GRIN2B: variants seen among roughly 807,000 people sequenced by gnomAD.
The protein encoded by GRIN2B is glutamate ionotropic receptor NMDA type subunit 2B.
GRIN2B carries 5 observed loss-of-function variants against 114.5 expected under a neutral mutation model. The observed-to-expected ratio is 0.04, with a 90% CI of 0.02 to 0.09. The LOEUF is 0.09. Among genes scored for constraint, GRIN2B ranks in the 10% least tolerant of loss-of-function variants. The pLI is 1.00. For missense variants in GRIN2B, 1,108 were observed against 1,943.5 expected (o/e 0.57, Z 8.08); for synonymous variants, 787 against 745.1 (o/e 1.06, Z -0.92).
intron 3 of GRIN2B, among the ~76,000 whole-genome samples, chr12:13,791,969 C>A (rs867495019): frequency 3.9e-5 from 6 of 152,184 alleles, no homozygotes; most frequent in Admixed American, 6.5e-5. Context: ...TCTCCCCTAC[C>A]CTTCCCGGCC....
In GRIN2B at chr12:13,563,202, C is replaced by T. The variant is rs766060662; in HGVS notation, c.4036G>A (p.Glu1346Lys). The T allele has an allele frequency of 6.2e-7, 1 of 1,614,204 alleles. No individual in the cohort carries two copies. The highest frequency in any genetic ancestry group is 8.5e-7 in the Non-Finnish European group (1 of 1,180,040). Residue 1346 changes from glutamate to lysine, a missense_variant, in exon 14 of 14, where the codon GAG becomes AAG. Glu to Lys is a moderately conservative substitution (Grantham distance 56). Coordinates refer to ENST00000609686, the MANE Select transcript of GRIN2B (RefSeq NM_000834.5). Reference sequence around the variant, plus strand: ...GACTTGTTGTTGGCAAAGGTGCTCTCGCCAGCTGACATCTCAAACATGTGG... The same window carrying T: ...GACTTGTTGTTGGCAAAGGTGCTCTTGCCAGCTGACATCTCAAACATGTGG... ...YAHMFEMSAG[E>K]STFANNKSSV...
chr12:13,872,048 T>C (rs1865918868), intron 2 of GRIN2B, among the ~76,000 whole-genome samples: 2 of 152,082 alleles, frequency 1.3e-5, no homozygotes, highest in Admixed American at 1.3e-4. Flanking sequence ...GATGGTTTTA[T>C]AGATTAAGTA....
At chr12:13,629,233 G>A (rs1261706842) in intron 5 of GRIN2B, among the ~76,000 whole-genome samples, 1 of 152,212 alleles carries the variant, frequency 6.6e-6, no homozygotes, top group African/African-American at 2.4e-5. Flanking sequence ...TGGTAGATAA[G>A]AATATCTGTA....
chr12:13,546,330 A>G lies in GRIN2B; in HGVS notation c.*16453T>C, dbSNP rs1948341834. The G allele has an allele frequency of 6.6e-6, 1 of 152,236 alleles. No individual in the cohort carries two copies. Among genetic ancestry groups the G allele is most frequent in the Non-Finnish European group, 1.5e-5 (1 of 68,026 alleles). 9.4% of individuals were successfully genotyped at this position (152,236 alleles called of 1,614,324 possible). On this transcript the variant is annotated 3_prime_UTR_variant, in exon 14 of 14. Coordinates refer to ENST00000609686, the MANE Select transcript of GRIN2B (RefSeq NM_000834.5). ...AAGAATCGAGCTACAATGCTTATCAATGTCTGTCTGGAAGAAAGCCTACGT... is the reference window on the plus strand; with the variant it reads ...AAGAATCGAGCTACAATGCTTATCAGTGTCTGTCTGGAAGAAAGCCTACGT...
At position 13,583,411 on chromosome 12, in the gene GRIN2B, T is replaced by C. The variant is rs116086031; in HGVS notation, c.2011-11447A>G. Among the ~76,000 whole-genome samples the C allele has an allele frequency of 2.6e-3, 397 of 152,286 alleles. 3 individuals carry two copies. The highest frequency in any genetic ancestry group is 9.2e-3 in the African/African-American group (382 of 41,560). ...AACTAATGCACAGACAGTAAGTAAT[T>C]TGAATAAGGCCATACAGCTAGAAAC... On this transcript the variant is annotated intron_variant, in intron 10 of 13. Transcript: ENST00000609686.
At chr12:13,626,823 C>T (rs1443519751) in intron 5 of GRIN2B, among the ~76,000 whole-genome samples, 3 of 98,518 alleles carry the variant, frequency 3.0e-5, no homozygotes, top group Admixed American at 2.0e-4. Context: ...CCCCCCCACC[C>T]TCCCCCCTCC....
chr12:13,556,491 G>A lies in GRIN2B; in HGVS notation c.*6292C>T, dbSNP rs976946131. 2 of 152,066 alleles carry A rather than the reference G, an allele frequency of 1.3e-5. No individual in the cohort carries two copies. Among genetic ancestry groups the A allele is most frequent in the Non-Finnish European group, 2.9e-5 (2 of 68,006 alleles). 9.4% of individuals were successfully genotyped at this position (152,066 alleles called of 1,614,324 possible). A position where few individuals can be genotyped will look rare whatever the true frequency, so the allele number is the denominator to read the frequency against. ...TTAAACTCACATATTTAACCAGAGAGCTTTTATTTTTTTCTCCTGCATAGT... is the reference window on the plus strand; with the variant it reads ...TTAAACTCACATATTTAACCAGAGAACTTTTATTTTTTTCTCCTGCATAGT... On this transcript the variant is annotated 3_prime_UTR_variant, in exon 14 of 14. Transcript: ENST00000609686.
At chr12:13,904,573 A>G (rs1427970197) in intron 2 of GRIN2B, among the ~76,000 whole-genome samples, 1 of 151,830 alleles carries the variant, frequency 6.6e-6, no homozygotes, top group Non-Finnish European at 1.5e-5. Flanking sequence ...CTTGCTCTTC[A>G]CTCCATCTTG....
intron 5 of GRIN2B, among the ~76,000 whole-genome samples, chr12:13,632,592 T>C (rs541124962): frequency 6.6e-6 from 1 of 152,348 alleles, no homozygotes; most frequent in Non-Finnish European, 1.5e-5. Flanking sequence ...ACTCATCCTC[T>C]GCCTAAGCAG....
chr12:13,633,900 C>T (rs1043299830), intron 5 of GRIN2B, among the ~76,000 whole-genome samples: 23 of 148,750 alleles, frequency 1.5e-4, no homozygotes, highest in Admixed American at 1.5e-3. Flanking sequence ...TCAGCGCCTA[C>T]GACACAGCTG....
intron 10 of GRIN2B, among the ~76,000 whole-genome samples, chr12:13,583,292 C>T (rs561401035): frequency 1.3e-5 from 2 of 152,366 alleles, no homozygotes; most frequent in East Asian, 3.9e-4. Context: ...CTACAGCACT[C>T]ACCATGTGTC....
chr12:13,607,376 A>ATATTATATATAAGATATAT (rs1949286848), intron 10 of GRIN2B, among the ~76,000 whole-genome samples: 1 of 36,280 alleles, frequency 2.8e-5, no homozygotes, highest in African/African-American at 9.0e-5. Context: ...ATTATATATT[A>ATATTATATATAAGATATAT]TATATATAAT....
Position 13,842,984 on chromosome 12 carries a change from G to T in GRIN2B, c.411+22814C>A, listed in dbSNP as rs560501009. ...AAAACACTGCTTTTTAATTTTTTGC[G>T]GTGTTTTGTTTTTTTTTAATTTTTA... On this transcript the variant is annotated intron_variant, in intron 3 of 13. Coordinates refer to ENST00000609686, the MANE Select transcript of GRIN2B (RefSeq NM_000834.5). 1.3e-3 allele frequency among the ~76,000 whole-genome samples: 150 copies of T among 118,076 alleles called. 2 individuals carry two copies. In the South Asian group the frequency reaches 0.03, roughly 23 times the overall value. The allele number at this position is 118,076 out of a possible 152,430, so 77.5% of individuals were successfully genotyped here.
chr12:13,677,196 T>C (rs1422348849), intron 4 of GRIN2B, among the ~76,000 whole-genome samples: 1 of 152,190 alleles, frequency 6.6e-6, no homozygotes, highest in Admixed American at 6.5e-5. Context: ...TTAATGTTTC[T>C]TGTGAGACCA....
At chr12:13,970,665 C>A (rs1862894876) in intron 2 of GRIN2B, among the ~76,000 whole-genome samples, 1 of 148,238 alleles carries the variant, frequency 6.7e-6, no homozygotes, top group Non-Finnish European at 1.5e-5. Flanking sequence ...AAAGTGATTT[C>A]TCTTCTACAT....
chr12:13,579,342 G>A (rs1357284920), intron 10 of GRIN2B, among the ~76,000 whole-genome samples: 6 of 152,200 alleles, frequency 3.9e-5, no homozygotes, highest in Non-Finnish European at 7.3e-5. Context: ...CAGAGCTTCT[G>A]GAGTTAAGCT....
chr12:13,912,437 T>C (rs1866640418), intron 2 of GRIN2B, among the ~76,000 whole-genome samples: 2 of 152,224 alleles, frequency 1.3e-5, no homozygotes, highest in African/African-American at 4.8e-5. Flanking sequence ...AAGGAATTAA[T>C]ACTCCTATTG....
chr12:13,567,172 G>A lies in GRIN2B; in HGVS notation c.2451C>T (p.Asn817=), dbSNP rs1474375987. 3.7e-6 allele frequency: 6 copies of A among 1,614,144 alleles called. No individual in the cohort carries two copies. The African/African-American group carries it at 4.0e-5, about 11-fold the overall frequency. The change falls in exon 13 of 14, where the codon AAC becomes AAT. Residue 817 remains asparagine, a synonymous_variant. Coordinates refer to ENST00000609686, the MANE Select transcript of GRIN2B (RefSeq NM_000834.5). ...EVMSSQLDID[N]MAGVFYMLGA... ...CCAACATGTAGAAGACCCCTGCCAT[G>A]TTGTCAATGTCCAGCTGGCTGCTCA...
rs1021101583 is a variant in GRIN2B, at chr12:13,556,034, C to T, written c.*6749G>A. 9 of 151,846 alleles carry T rather than the reference C, an allele frequency of 5.9e-5. No homozygotes were observed. Among genetic ancestry groups the T allele is most frequent in the Non-Finnish European group, 8.8e-5 (6 of 67,984 alleles). The allele number at this position is 151,846 out of a possible 1,614,324, so 9.4% of individuals were successfully genotyped here. ...TAATGTGGGTAAATACAGGGTTAGA[C>T]CAAAGAGGGAATTCAATGAGGCCTG... On this transcript the variant is annotated 3_prime_UTR_variant, in exon 14 of 14. Transcript: ENST00000609686.
Sources: gnomAD v4.1 joint callset for allele counts (sites outside exome capture counted in the v4.1 genomes callset) on GRCh38, gnomAD v4.1.1 for gene constraint, MANE v1.5 for transcripts, NCBI Gene and HGNC (gene_info 2026-07-23, HGNC 2026-07-21) for gene names.